ANKRD11: variants seen among roughly 807,000 people sequenced by gnomAD.
ANKRD11 encodes ankyrin repeat domain-containing protein 11.
ANKRD11 carries 17 observed loss-of-function variants against 195.7 expected under a neutral mutation model. That is an observed-to-expected ratio of 0.09 (90% confidence interval 0.06 to 0.13). The LOEUF is 0.13. Ranked by LOEUF, ANKRD11 falls within the 10% of genes least tolerant of loss-of-function variation. The pLI, the probability that ANKRD11 is intolerant of heterozygous loss-of-function variation, is 1.00. For synonymous variants in ANKRD11, 1,953 were observed against 1,528.1 expected (o/e 1.28, Z -6.49); for missense variants, 3,735 against 3,566.1 (o/e 1.05, Z -1.21).
intron 9 of ANKRD11, chr16:89,278,523 C>T (rs2033856041): frequency 2.2e-6 from 1 of 456,374 alleles, no homozygotes; most frequent in African/African-American, 2.0e-5. Flanking sequence ...GGGAACTGGG[C>T]TGACAGGGTC....
chr16:89,347,983 G>C (rs1359784635), intron 2 of ANKRD11, among the ~76,000 whole-genome samples: 2 of 152,010 alleles, frequency 1.3e-5, no homozygotes, highest in Admixed American at 1.3e-4. Context: ...ACCCAGGCTG[G>C]AGTGAAATGG....
intron 1 of ANKRD11, among the ~76,000 whole-genome samples, chr16:89,446,647 G>A (rs897550904): frequency 2.0e-5 from 3 of 152,092 alleles, no homozygotes; most frequent in Admixed American, 6.6e-5. Context: ...CTCAATTCTG[G>A]CTGCCAGGCC....
chr16:89,402,937 C>A (rs2041760225), intron 2 of ANKRD11, among the ~76,000 whole-genome samples: 1 of 152,138 alleles, frequency 6.6e-6, no homozygotes, highest in African/African-American at 2.4e-5. Flanking sequence ...AAGCAGGCAA[C>A]CTAGCCTGCC....
At chr16:89,307,599 G>C (rs926153030) in intron 3 of ANKRD11, among the ~76,000 whole-genome samples, 4 of 152,050 alleles carry the variant, frequency 2.6e-5, no homozygotes, top group Non-Finnish European at 5.9e-5. Context: ...CGGGCCTCCG[G>C]AGGGTTAACA....
At chr16:89,447,271 A>G (rs937583130) in intron 1 of ANKRD11, among the ~76,000 whole-genome samples, 1 of 152,126 alleles carries the variant, frequency 6.6e-6, no homozygotes, top group African/African-American at 2.4e-5. Flanking sequence ...AAACTCCTAA[A>G]GACAGTGGTC....
chr16:89,458,136 G>C (rs1209927608), intron 1 of ANKRD11, among the ~76,000 whole-genome samples: 3 of 152,040 alleles, frequency 2.0e-5, no homozygotes, highest in African/African-American at 7.2e-5. Flanking sequence ...CGGTGCTTTA[G>C]AGGTTTAACC....
rs547935408 is a variant in ANKRD11 at position 89,286,569 on chromosome 16, C to T, written c.745-383G>A. On this transcript the variant is annotated intron_variant, in intron 7 of 12. Transcript: ENST00000301030. ...AGTGAGCTCCTCAGCAGAGTGGTGCCGGAGTGGTCGTGGAGGGCTCAGGCA... is the reference window on the plus strand; with the variant it reads ...AGTGAGCTCCTCAGCAGAGTGGTGCTGGAGTGGTCGTGGAGGGCTCAGGCA... The T allele has an allele frequency of 9.1e-5, 78 of 860,046 alleles. 2 individuals carry two copies. In the South Asian group the frequency reaches 1.0e-3, roughly 11 times the overall value. 53.3% of individuals were successfully genotyped at this position (860,046 alleles called of 1,614,324 possible).
At chr16:89,407,845 C>T (rs372928650) in intron 2 of ANKRD11, among the ~76,000 whole-genome samples, 11 of 116,404 alleles carry the variant, frequency 9.4e-5, no homozygotes, top group African/African-American at 3.9e-4. Flanking sequence ...CAGATCCTGT[C>T]TCCCTCCAAA....
In ANKRD11 at chr16:89,291,829, G is replaced by A; in HGVS notation, c.227-646C>T. ...CAAGACACGGTGTGAGAGCTCGGCT[G>A]TTTCCACCTCAGCCTCCTCGTAACA... On this transcript the variant is annotated intron_variant, in intron 4 of 12. Coordinates refer to ENST00000301030, the MANE Select transcript of ANKRD11 (RefSeq NM_013275.6). This position sits in a 1 kb window ranked among gnomAD's most constrained non-coding sequence, Gnocchi z 5.3. 1 of 1,227,674 alleles carries A rather than the reference G, an allele frequency of 8.1e-7. No homozygotes were observed. Among genetic ancestry groups the A allele is most frequent in the Non-Finnish European group, 1.1e-6 (1 of 933,012 alleles). The allele number at this position is 1,227,674 out of a possible 1,614,324, so 76.0% of individuals were successfully genotyped here.
At chr16:89,351,196 G>A (rs1044803614) in intron 2 of ANKRD11, among the ~76,000 whole-genome samples, 4 of 152,226 alleles carry the variant, frequency 2.6e-5, no homozygotes, top group Non-Finnish European at 5.9e-5. Flanking sequence ...GAGAGGCGGC[G>A]GCGGCAGCTG....
intron 1 of ANKRD11, among the ~76,000 whole-genome samples, chr16:89,473,001 G>C (rs998091614): frequency 6.6e-6 from 1 of 152,018 alleles, no homozygotes; most frequent in East Asian, 1.9e-4. Context: ...GACCAGCCTG[G>C]GCAACACAGT....
At chr16:89,442,846 C>A (rs1219820600) in intron 1 of ANKRD11, among the ~76,000 whole-genome samples, 1 of 152,214 alleles carries the variant, frequency 6.6e-6, no homozygotes, top group South Asian at 2.1e-4. Context: ...CTGCCCCTTA[C>A]AGCACAAGCC....
At chr16:89,398,189 G>A (rs192510131) in intron 2 of ANKRD11, among the ~76,000 whole-genome samples, 2 of 149,866 alleles carry the variant, frequency 1.3e-5, no homozygotes, top group East Asian at 2.0e-4. Context: ...TGACATGAGG[G>A]ACACTGTGAA....
intron 2 of ANKRD11, among the ~76,000 whole-genome samples, chr16:89,372,429 C>T (rs1004788079): frequency 6.6e-6 from 1 of 151,906 alleles, no homozygotes; most frequent in Non-Finnish European, 1.5e-5. Flanking sequence ...CAGTGGCAGG[C>T]GGAGTGAGAG....
intron 2 of ANKRD11, among the ~76,000 whole-genome samples, chr16:89,346,638 G>T (rs895983942): frequency 6.6e-6 from 1 of 152,294 alleles, no homozygotes; most frequent in Middle Eastern, 3.4e-3. Context: ...CATTTCTAAG[G>T]ATGAGGGAGG....
intron 1 of ANKRD11, among the ~76,000 whole-genome samples, chr16:89,425,192 C>T (rs967014788): frequency 1.3e-5 from 2 of 152,026 alleles, no homozygotes; most frequent in African/African-American, 4.8e-5. Flanking sequence ...GAGTAGGTAT[C>T]ATTATTATCT....
intron 2 of ANKRD11, among the ~76,000 whole-genome samples, chr16:89,389,897 A>C (rs2041101198): frequency 8.1e-6 from 1 of 122,890 alleles, no homozygotes; most frequent in Non-Finnish European, 1.7e-5. Context: ...TGTGGCGGGG[A>C]GCACCGAGAG....
chr16:89,402,621 T>C (rs1486040694), intron 2 of ANKRD11, among the ~76,000 whole-genome samples: 1 of 122,902 alleles, frequency 8.1e-6, no homozygotes, highest in Non-Finnish European at 1.7e-5. Flanking sequence ...GTTCAAGCCT[T>C]GAGTGAGCTG....
At chr16:89,421,737 G>C (rs1490373811) in intron 1 of ANKRD11, among the ~76,000 whole-genome samples, 1 of 122,320 alleles carries the variant, frequency 8.2e-6, no homozygotes, top group Non-Finnish European at 1.7e-5. Flanking sequence ...ACGAAGGGTC[G>C]GTGTGTGATG....
Sources: gnomAD v4.1 joint callset for allele counts (sites outside exome capture counted in the v4.1 genomes callset) on GRCh38, gnomAD v4.1.1 for gene constraint, Gnocchi (gnomAD v3.1) non-coding constraint, MANE v1.5 for transcripts, NCBI Gene and HGNC (gene_info 2026-07-23, HGNC 2026-07-21) for gene names.